ARHGAP10: variants seen among roughly 807,000 people sequenced by gnomAD.
ARHGAP10 encodes the protein Rho GTPase activating protein 10, also known as rho GTPase-activating protein 10.
Under a neutral mutation model 108.6 loss-of-function variants are expected in ARHGAP10, and 87 were observed. The ratio of observed to expected loss-of-function variants is 0.80; its 90% confidence interval spans 0.67 to 0.96. The LOEUF (loss-of-function observed/expected upper bound fraction) is 0.96. ARHGAP10 is among the 40% of genes least tolerant of loss of function. The pLI, the probability that ARHGAP10 is intolerant of heterozygous loss-of-function variation, is 0.00. For synonymous variants in ARHGAP10, 347 were observed against 341.1 expected (o/e 1.02, Z -0.19); for missense variants, 939 against 954.5 (o/e 0.98, Z 0.21).
intron 1 of ARHGAP10, among the ~76,000 whole-genome samples, chr4:147,805,078 G>A (rs974557789): frequency 5.3e-5 from 8 of 152,072 alleles, no homozygotes; most frequent in African/African-American, 1.9e-4. Context: ...TATTTCCTAG[G>A]TTTTCTTCAA....
At chr4:148,034,700 A>G (rs189467540) in intron 19 of ARHGAP10, among the ~76,000 whole-genome samples, 3 of 152,248 alleles carry the variant, frequency 2.0e-5, no homozygotes, top group Admixed American at 2.0e-4. Context: ...GTGAAAAGCA[A>G]GGAGTCTGGC....
chr4:147,867,021 C>T (rs574928386), intron 7 of ARHGAP10, among the ~76,000 whole-genome samples: 36 of 152,242 alleles, frequency 2.4e-4, no homozygotes, highest in African/African-American at 7.9e-4. Flanking sequence ...TGCCACCTGG[C>T]GGCTTTTCCT....
At chr4:147,910,388 A>G (rs539654270) in intron 12 of ARHGAP10, among the ~76,000 whole-genome samples, 20 of 152,016 alleles carry the variant, frequency 1.3e-4, no homozygotes, top group Admixed American at 6.5e-4. Context: ...CTCTACATTT[A>G]CTTTAATGTT....
At chr4:147,735,481 GAA>G (rs1728379240) in intron 1 of ARHGAP10, among the ~76,000 whole-genome samples, 1 of 152,162 alleles carries the variant, frequency 6.6e-6, no homozygotes, top group African/African-American at 2.4e-5. Flanking sequence ...TCGAGTGTTT[GAA>G]GAGACTAGTT....
At chr4:147,947,691 C>T (rs555078742) in intron 15 of ARHGAP10, among the ~76,000 whole-genome samples, 254 of 152,170 alleles carry the variant, frequency 1.7e-3, no homozygotes, top group Admixed American at 4.4e-3. Flanking sequence ...GTGTGAGCCA[C>T]CATACCTGGC....
intron 13 of ARHGAP10, among the ~76,000 whole-genome samples, chr4:147,926,673 C>T (rs1210781865): frequency 6.6e-6 from 1 of 152,068 alleles, no homozygotes; most frequent in Non-Finnish European, 1.5e-5. Context: ...AGGACAGAAT[C>T]TTTGTGAATG....
intron 18 of ARHGAP10, among the ~76,000 whole-genome samples, chr4:147,995,873 C>G (rs567892120): frequency 4.6e-5 from 7 of 152,168 alleles, no homozygotes; most frequent in African/African-American, 1.7e-4. Flanking sequence ...CCCGCCACTA[C>G]GCCTGGCTAA....
Position 147,947,589 on chromosome 4 carries a change from G to A in ARHGAP10, c.1391+885G>A, listed in dbSNP as rs192668644. ...GGCTAAGTTTTGTAATTTTAGTAGAGGTGGGGTTTCGCCATGTTGACCAGG... is the reference window on the plus strand; with the variant it reads ...GGCTAAGTTTTGTAATTTTAGTAGAAGTGGGGTTTCGCCATGTTGACCAGG... On this transcript the variant is annotated intron_variant, in intron 15 of 22. Coordinates refer to ENST00000336498, the MANE Select transcript of ARHGAP10 (RefSeq NM_024605.4). Among the ~76,000 whole-genome samples, 208 of 151,976 alleles carry A rather than the reference G, an allele frequency of 1.4e-3. 2 individuals carry two copies. Among genetic ancestry groups the A allele is most frequent in the African/African-American group, 4.8e-3 (198 of 41,456 alleles).
intron 8 of ARHGAP10, among the ~76,000 whole-genome samples, chr4:147,875,355 G>C (rs1172927248): frequency 6.6e-6 from 1 of 152,174 alleles, no homozygotes; most frequent in African/African-American, 2.4e-5. Context: ...GAGGTTAGGA[G>C]TGGCTGTGAG....
chr4:148,012,401 T>C lies in ARHGAP10; in HGVS notation c.1717-10862T>C, dbSNP rs143357879. 2.2e-3 allele frequency among the ~76,000 whole-genome samples: 340 copies of C among 152,308 alleles called. 4 individuals carry two copies. The highest frequency in any genetic ancestry group is 7.1e-3 in the African/African-American group (293 of 41,552). ...GTAAAGATTATGCTTTGTCGTCATATATAAGACTTCTTAAACTGAATTGTG... is the reference window on the plus strand; with the variant it reads ...GTAAAGATTATGCTTTGTCGTCATACATAAGACTTCTTAAACTGAATTGTG... On this transcript the variant is annotated intron_variant, in intron 18 of 22. Transcript: ENST00000336498.
chr4:147,920,415 CAAA>C (rs1245324294), intron 13 of ARHGAP10, among the ~76,000 whole-genome samples: 1 of 147,988 alleles, frequency 6.8e-6, no homozygotes, highest in African/African-American at 2.6e-5. Context: ...ACTCTGGAAA[CAAA>C]AACAAAAAAC....
intron 1 of ARHGAP10, among the ~76,000 whole-genome samples, chr4:147,784,229 T>C (rs1730706727): frequency 1.5e-5 from 2 of 129,384 alleles, no homozygotes; most frequent in South Asian, 5.0e-4. Context: ...TTAAATTGTG[T>C]ATTATATAAT....
intron 18 of ARHGAP10, among the ~76,000 whole-genome samples, chr4:147,999,769 C>T (rs546690945): frequency 8.5e-5 from 13 of 152,264 alleles, no homozygotes; most frequent in East Asian, 3.9e-4. Context: ...ATTTTGGAAG[C>T]GGCTGGTCAC....
chr4:148,009,871 G>A (rs1407454273), intron 18 of ARHGAP10, among the ~76,000 whole-genome samples: 2 of 152,174 alleles, frequency 1.3e-5, no homozygotes, highest in African/African-American at 4.8e-5. Flanking sequence ...AGTGTTGGAA[G>A]CGTAGGTGAC....
intron 1 of ARHGAP10, among the ~76,000 whole-genome samples, chr4:147,742,235 T>C (rs1728708916): frequency 6.6e-6 from 1 of 152,148 alleles, no homozygotes; most frequent in Admixed American, 6.5e-5. Context: ...TTGGGCAAGT[T>C]ATTTAAGCCT....
At chr4:147,996,293 C>T (rs905631337) in intron 18 of ARHGAP10, among the ~76,000 whole-genome samples, 5 of 152,198 alleles carry the variant, frequency 3.3e-5, no homozygotes, top group African/African-American at 1.2e-4. Flanking sequence ...GAAAACAAAA[C>T]ATCAAAATGG....
At chr4:147,842,457 C>A (rs892815585) in intron 3 of ARHGAP10, among the ~76,000 whole-genome samples, 3 of 152,082 alleles carry the variant, frequency 2.0e-5, no homozygotes, top group Non-Finnish European at 4.4e-5. Context: ...TTATTTATAA[C>A]CTACCTCTAC....
chr4:148,016,260 T>A (rs906094220), intron 18 of ARHGAP10, among the ~76,000 whole-genome samples: 1 of 152,144 alleles, frequency 6.6e-6, no homozygotes, highest in Non-Finnish European at 1.5e-5. Context: ...TCCCAGTGCT[T>A]TGAGAGGCTG....
At chr4:147,810,652 G>T (rs1731979787) in intron 1 of ARHGAP10, among the ~76,000 whole-genome samples, 1 of 152,180 alleles carries the variant, frequency 6.6e-6, no homozygotes, top group Non-Finnish European at 1.5e-5. Context: ...TATTTGTGGA[G>T]AACCTAAATG....
Sources: gnomAD v4.1 joint callset for allele counts (sites outside exome capture counted in the v4.1 genomes callset) on GRCh38, gnomAD v4.1.1 for gene constraint, MANE v1.5 for transcripts, NCBI Gene and HGNC (gene_info 2026-07-23, HGNC 2026-07-21) for gene names.